SPATA16: variants seen among roughly 807,000 people sequenced by gnomAD.
SPATA16 encodes the protein spermatogenesis-associated protein 16.
A neutral mutation model predicts 63.3 loss-of-function variants in SPATA16; 36 were observed. The ratio of observed to expected loss-of-function variants is 0.57; its 90% CI spans 0.44 to 0.75. SPATA16 has a LOEUF of 0.75. SPATA16 is among the 30% of genes least tolerant of loss of function. The probability of loss-of-function intolerance (pLI) is 0.00; values close to 1 mark genes in which losing one functional copy is unlikely to be tolerated. For missense variants in SPATA16, 646 were observed against 679.3 expected (o/e 0.95, Z 0.54); for synonymous variants, 203 against 216.7 (o/e 0.94, Z 0.56).
intron 2 of SPATA16, among the ~76,000 whole-genome samples, chr3:173,107,771 G>A (rs913962651): frequency 3.3e-5 from 5 of 152,086 alleles, no homozygotes; most frequent in African/African-American, 4.8e-5. Context: ...AATGGGGTCC[G>A]TAACAGAGGA....
Position 173,028,023 on chromosome 3 carries a change from T to TCCC in SPATA16, c.759-8449_759-8448insGGG, listed in dbSNP as rs1380067335. ...CCTCCCTCCCTCCCTCCCTTCCTTC[T>TCCC]TTCCTTCCTTCCTTCCTTCCTTCCT... is the stretch of plus-strand genomic sequence containing the variant. On this transcript the variant is annotated intron_variant, in intron 3 of 10. Transcript: ENST00000351008. Among the ~76,000 whole-genome samples, 8 of 36,670 alleles carry TCCC rather than the reference T, an allele frequency of 2.2e-4. No individual in the cohort carries two copies. The East Asian group carries it at 3.2e-3, about 15-fold the overall frequency. The allele number at this position is 36,670 out of a possible 152,430, so 24.1% of individuals were successfully genotyped here. A position where few individuals can be genotyped will look rare whatever the true frequency, so the allele number is the denominator to read the frequency against.
At chr3:173,001,195 T>C (rs1488877804) in intron 4 of SPATA16, among the ~76,000 whole-genome samples, 1 of 151,788 alleles carries the variant, frequency 6.6e-6, no homozygotes, top group Admixed American at 6.6e-5. Flanking sequence ...AGGGGAATTG[T>C]TCTATAATTA....
intron 6 of SPATA16, among the ~76,000 whole-genome samples, chr3:172,949,706 G>T (rs1424176564): frequency 6.6e-6 from 1 of 152,068 alleles, no homozygotes; most frequent in Admixed American, 6.6e-5. Context: ...AGTTCTGCTT[G>T]TTTGGAAATG....
At chr3:172,938,575 C>T (rs962831540) in intron 6 of SPATA16, among the ~76,000 whole-genome samples, 2 of 152,114 alleles carry the variant, frequency 1.3e-5, no homozygotes, top group Non-Finnish European at 2.9e-5. Flanking sequence ...GAGCAGAGAC[C>T]CCCTCTTTGG....
chr3:173,033,260 C>A (rs1295296663), intron 3 of SPATA16, among the ~76,000 whole-genome samples: 3 of 152,060 alleles, frequency 2.0e-5, no homozygotes, highest in Non-Finnish European at 4.4e-5. Flanking sequence ...TTTCATCTGT[C>A]AAATGCCTGG....
At chr3:172,996,118 T>C (rs543040471) in intron 4 of SPATA16, among the ~76,000 whole-genome samples, 1 of 152,210 alleles carries the variant, frequency 6.6e-6, no homozygotes, top group Non-Finnish European at 1.5e-5. Flanking sequence ...TCAAATTAGT[T>C]TTGCTTGATG....
intron 3 of SPATA16, among the ~76,000 whole-genome samples, chr3:173,041,901 T>C (rs1241014423): frequency 6.6e-6 from 1 of 152,084 alleles, no homozygotes; most frequent in Admixed American, 6.6e-5. Context: ...CATGTATACA[T>C]ATGTAACAAA....
At chr3:173,045,781 T>C (rs1181785607) in intron 3 of SPATA16, among the ~76,000 whole-genome samples, 1 of 152,142 alleles carries the variant, frequency 6.6e-6, no homozygotes, top group Non-Finnish European at 1.5e-5. Flanking sequence ...CTTCTGCTGG[T>C]GTATAAGCAT....
chr3:172,889,686 G>T lies in SPATA16; in HGVS notation c.1594C>A (p.Gln532Lys), dbSNP rs1731855074. Reference sequence around the variant, plus strand: ...AATTGGTATAGAAAATCTTCAATTTGTCCAACCTAGAAGAAATAAACAGAT... The same window carrying T: ...AATTGGTATAGAAAATCTTCAATTTTTCCAACCTAGAAGAAATAAACAGAT... ...RVWNMIQKVG[Q>K]IEDFLYQLED... is the part of the protein sequence containing the mutation. The change falls in exon 11 of 11, where the codon CAA (glutamine) becomes AAA (lysine). Residue 532 changes from glutamine to lysine, a missense_variant. By Grantham distance (53) the Gln-to-Lys change is moderately conservative. Transcript: ENST00000351008. 13 of 1,610,622 alleles carry T rather than the reference G, an allele frequency of 8.1e-6. No homozygotes were observed. The East Asian group carries it at 2.7e-4, about 33-fold the overall frequency.
At chr3:173,066,642 T>G (rs1030744294) in intron 2 of SPATA16, among the ~76,000 whole-genome samples, 4 of 152,308 alleles carry the variant, frequency 2.6e-5, no homozygotes, top group Admixed American at 6.5e-5. Flanking sequence ...ACCACAGGCT[T>G]AGGTCACAAT....
chr3:173,034,702 A>C, intron 3 of SPATA16, among the ~76,000 whole-genome samples: 1 of 152,158 alleles, frequency 6.6e-6, no homozygotes, highest in East Asian at 1.9e-4. Flanking sequence ...AGCCCAGCTA[A>C]ACCACCAGGT....
chr3:173,020,265 C>A (rs1735295693), intron 3 of SPATA16, among the ~76,000 whole-genome samples: 2 of 151,454 alleles, frequency 1.3e-5, no homozygotes, highest in African/African-American at 4.9e-5. Context: ...GCACTCCAGC[C>A]TGGGGGACAA....
chr3:172,962,062 GGCC>G, intron 5 of SPATA16, among the ~76,000 whole-genome samples: 1 of 152,078 alleles, frequency 6.6e-6, no homozygotes, highest in Admixed American at 6.6e-5. Flanking sequence ...AAACCAGCAT[GGCC>G]AACATGGTGA....
intron 1 of SPATA16, among the ~76,000 whole-genome samples, chr3:173,133,866 A>G (rs775245565): frequency 2.6e-5 from 4 of 152,208 alleles, no homozygotes; most frequent in Admixed American, 6.5e-5. Context: ...CTTAATAGAC[A>G]TATGTCAAAT....
chr3:173,027,899 T>C (rs371813577), intron 3 of SPATA16, among the ~76,000 whole-genome samples: 1 of 151,724 alleles, frequency 6.6e-6, no homozygotes, highest in East Asian at 2.0e-4. Context: ...AATGTGAATA[T>C]CTGCTATCAC....
intron 2 of SPATA16, among the ~76,000 whole-genome samples, chr3:173,107,652 T>G (rs1015693716): frequency 6.6e-6 from 1 of 152,138 alleles, no homozygotes; most frequent in Non-Finnish European, 1.5e-5. Flanking sequence ...GAAAAAGCAA[T>G]TGCAACTTCA....
intron 10 of SPATA16, among the ~76,000 whole-genome samples, chr3:172,895,624 G>A (rs954354727): frequency 1.4e-4 from 22 of 152,080 alleles, no homozygotes; most frequent in African/African-American, 3.9e-4. Flanking sequence ...GTGAGCCACC[G>A]TGCCTGGCCA....
At chr3:172,980,563 G>A (rs1053043639) in intron 4 of SPATA16, among the ~76,000 whole-genome samples, 6 of 152,084 alleles carry the variant, frequency 3.9e-5, no homozygotes, top group Non-Finnish European at 5.9e-5. Flanking sequence ...TTTATGAAGT[G>A]ATAAGCACCA....
chr3:173,097,202 T>C (rs147953067), intron 2 of SPATA16, among the ~76,000 whole-genome samples: 115 of 152,294 alleles, frequency 7.6e-4, no homozygotes, highest in South Asian at 7.5e-3. Context: ...AGTCACTTAG[T>C]AGCCTTCTTG....
Sources: allele counts gnomAD v4.1 joint callset (sites outside exome capture counted in the v4.1 genomes callset), GRCh38; gene constraint gnomAD v4.1.1; transcripts MANE v1.5; gene names NCBI Gene and HGNC (gene_info 2026-07-23, HGNC 2026-07-21).